ESRRG: variants seen among roughly 807,000 people sequenced by gnomAD.
ESRRG encodes estrogen related receptor gamma.
A neutral mutation model predicts 44.0 loss-of-function variants in ESRRG; 13 were observed. The observed-to-expected ratio is 0.30, with a 90% CI of 0.19 to 0.47. The LOEUF (loss-of-function observed/expected upper bound fraction) is 0.47, where lower values mean the gene tolerates loss of function less well. Among genes scored for constraint, ESRRG ranks in the 20% least tolerant of loss-of-function variants. The probability of loss-of-function intolerance (pLI) is 1.00; values close to 1 mark genes in which losing one functional copy is unlikely to be tolerated. For synonymous variants in ESRRG, 215 were observed against 214.6 expected (o/e 1.00, Z -0.02); for missense variants, 395 against 580.6 (o/e 0.68, Z 3.29).
At chr1:216,676,145 C>T (rs147846046) in intron 2 of ESRRG, among the ~76,000 whole-genome samples, 3 of 152,244 alleles carry the variant, frequency 2.0e-5, no homozygotes, top group Non-Finnish European at 4.4e-5. Context: ...AAGTGAATTA[C>T]AAGAGACCTA....
intron 2 of ESRRG, among the ~76,000 whole-genome samples, chr1:216,747,593 CA>C (rs1009275555): frequency 6.6e-6 from 1 of 152,076 alleles, no homozygotes; most frequent in Non-Finnish European, 1.5e-5. Context: ...CATTTCCTTC[CA>C]AAATAGTTAT....
chr1:216,830,940 G>C (rs763576115), intron 2 of ESRRG, among the ~76,000 whole-genome samples: 3 of 152,012 alleles, frequency 2.0e-5, no homozygotes, highest in Non-Finnish European at 4.4e-5. Context: ...AAGCCTGGGC[G>C]TGCTCTCACC....
chr1:217,072,283 T>G (rs1453733308), intron 1 of ESRRG, among the ~76,000 whole-genome samples: 2 of 152,170 alleles, frequency 1.3e-5, no homozygotes, highest in Non-Finnish European at 1.5e-5. Context: ...AGGGATGTGG[T>G]GATTCTTCAC....
At chr1:216,604,493 G>C (rs955379265) in intron 3 of ESRRG, among the ~76,000 whole-genome samples, 1 of 152,104 alleles carries the variant, frequency 6.6e-6, no homozygotes, top group Non-Finnish European at 1.5e-5. Context: ...CAGACACAAG[G>C]ATACAATTCT....
intron 1 of ESRRG, among the ~76,000 whole-genome samples, chr1:217,042,955 G>A (rs1394169368): frequency 6.6e-6 from 1 of 151,998 alleles, no homozygotes; most frequent in Admixed American, 6.6e-5. Context: ...TCTGGGACAG[G>A]ACATTAATGA....
At chr1:216,628,041 G>A (rs991940034) in intron 3 of ESRRG, among the ~76,000 whole-genome samples, 1 of 152,114 alleles carries the variant, frequency 6.6e-6, no homozygotes, top group Non-Finnish European at 1.5e-5. Flanking sequence ...TCAACTTAGA[G>A]CTTGATGGTG....
At chr1:217,011,555 T>C (rs1356470729) in intron 1 of ESRRG, among the ~76,000 whole-genome samples, 1 of 152,250 alleles carries the variant, frequency 6.6e-6, no homozygotes, top group African/African-American at 2.4e-5. Flanking sequence ...ATTTGCTAGA[T>C]AATCTCCCAA....
At chr1:217,116,196 G>C (rs1016230117) in intron 1 of ESRRG, among the ~76,000 whole-genome samples, 1 of 152,258 alleles carries the variant, frequency 6.6e-6, no homozygotes, top group Non-Finnish European at 1.5e-5. Flanking sequence ...CCATTTTATG[G>C]ATATAAATAT....
intron 2 of ESRRG, among the ~76,000 whole-genome samples, chr1:216,833,901 G>A (rs542924917): frequency 1.2e-3 from 180 of 152,240 alleles, no homozygotes; most frequent in Middle Eastern, 0.01. Context: ...TGTCACTTAT[G>A]GAGTTATTCC....
intron 2 of ESRRG, among the ~76,000 whole-genome samples, chr1:216,744,700 A>C (rs1304027907): frequency 1.3e-5 from 2 of 151,816 alleles, no homozygotes; most frequent in East Asian, 3.9e-4. Flanking sequence ...TGTGTTACCT[A>C]TGAGTAGTCT....
chr1:217,136,837 A>C (rs1445963362), intron 1 of ESRRG, among the ~76,000 whole-genome samples: 1 of 152,178 alleles, frequency 6.6e-6, no homozygotes, highest in African/African-American at 2.4e-5. Flanking sequence ...TGCTACGCTA[A>C]ATTTATCCTG....
chr1:216,733,898 AG>A (rs548847562), intron 2 of ESRRG, among the ~76,000 whole-genome samples: 290 of 151,000 alleles, frequency 1.9e-3, no homozygotes, highest in African/African-American at 6.9e-3. Context: ...TTGAGGCAGG[AG>A]AATTGCCTGA....
chr1:217,011,879 T>A (rs894237708), intron 1 of ESRRG, among the ~76,000 whole-genome samples: 10 of 152,174 alleles, frequency 6.6e-5, no homozygotes, highest in African/African-American at 2.4e-4. Context: ...GAACTACTTA[T>A]CTCTTTAGCC....
chr1:216,575,421 C>T (rs1419242), intron 3 of ESRRG, among the ~76,000 whole-genome samples: 58,179 of 151,890 alleles, frequency 0.38, 11,271 homozygotes, highest in East Asian at 0.47. Flanking sequence ...TACCAAGCAA[C>T]GTCTTTGTTG....
At chr1:216,883,976 A>G (rs1559979425) in intron 2 of ESRRG, among the ~76,000 whole-genome samples, 1 of 152,244 alleles carries the variant, frequency 6.6e-6, no homozygotes, top group South Asian at 2.1e-4. Context: ...CATATTTTAA[A>G]TCCCCACTGC....
At chr1:216,637,501 T>A (rs1383385813) in intron 3 of ESRRG, among the ~76,000 whole-genome samples, 1 of 152,188 alleles carries the variant, frequency 6.6e-6, no homozygotes, top group Non-Finnish European at 1.5e-5. Flanking sequence ...GCAGCTTCCA[T>A]GTGACTTAAA....
chr1:216,514,649 T>C (rs2043659307), intron 6 of ESRRG, among the ~76,000 whole-genome samples: 1 of 152,112 alleles, frequency 6.6e-6, no homozygotes, highest in Non-Finnish European at 1.5e-5. Flanking sequence ...ATGTATATAA[T>C]TATTTGTGGA....
At chr1:216,693,606 C>T (rs968116749) in intron 1 of ESRRG, among the ~76,000 whole-genome samples, 3 of 152,164 alleles carry the variant, frequency 2.0e-5, no homozygotes, top group Non-Finnish European at 2.9e-5. Context: ...CTGGATTATT[C>T]GTAATACCTA....
At chr1:216,922,374 T>C (rs1259233597) in intron 2 of ESRRG, among the ~76,000 whole-genome samples, 1 of 152,152 alleles carries the variant, frequency 6.6e-6, no homozygotes, top group Non-Finnish European at 1.5e-5. Context: ...ACACAACCTT[T>C]TTAGTTCGAG....
Sources: allele counts gnomAD v4.1 joint callset (sites outside exome capture counted in the v4.1 genomes callset), GRCh38; gene constraint gnomAD v4.1.1; transcripts MANE v1.5; gene names NCBI Gene and HGNC (gene_info 2026-07-23, HGNC 2026-07-21).